Variants in PRKAR2B observed in about 807,000 individuals in gnomAD.
The protein encoded by PRKAR2B is protein kinase cAMP-dependent type II regulatory subunit beta, also known as cAMP-dependent protein kinase type II-beta regulatory subunit.
Under a neutral mutation model 49.9 loss-of-function variants are expected in PRKAR2B, and 14 were observed. The observed-to-expected ratio is 0.28, with a 90% CI of 0.19 to 0.44. PRKAR2B has a LOEUF of 0.44. PRKAR2B is among the 20% of genes least tolerant of loss of function. The pLI, the probability that PRKAR2B is intolerant of heterozygous loss-of-function variation, is 1.00. For missense variants in PRKAR2B, 393 were observed against 537.9 expected, an observed-to-expected ratio of 0.73 and a Z score of 2.67; for synonymous variants, 196 against 197.7, an observed-to-expected ratio of 0.99 and a Z score of 0.07.
At chr7:107,099,292 G>A (rs1794909370) in intron 2 of PRKAR2B, among the ~76,000 whole-genome samples, 1 of 152,182 alleles carries the variant, frequency 6.6e-6, no homozygotes, top group Admixed American at 6.5e-5. Context: ...GATTGAGGCT[G>A]TGTGGGTGTT....
chr7:107,112,223 T>A (rs1447804345), intron 2 of PRKAR2B, among the ~76,000 whole-genome samples: 2 of 142,578 alleles, frequency 1.4e-5, no homozygotes, highest in African/African-American at 2.6e-5. Context: ...AAACTAGGCA[T>A]CCTCTCTAAT....
intron 2 of PRKAR2B, among the ~76,000 whole-genome samples, chr7:107,114,352 G>A (rs1457327192): frequency 6.8e-6 from 1 of 146,838 alleles, no homozygotes; most frequent in African/African-American, 2.6e-5. Flanking sequence ...GTGTGTGTGT[G>A]TGTGTGTGTG....
chr7:107,089,256 T>C (rs572019203), intron 2 of PRKAR2B, among the ~76,000 whole-genome samples: 1 of 152,272 alleles, frequency 6.6e-6, no homozygotes, highest in South Asian at 2.1e-4. Context: ...GGTCATATAA[T>C]AAGTGGCAGG....
chr7:107,057,455 T>G (rs1793938445), intron 1 of PRKAR2B, among the ~76,000 whole-genome samples: 1 of 152,188 alleles, frequency 6.6e-6, no homozygotes, highest in Admixed American at 6.5e-5. Context: ...GGCAATTTGC[T>G]TTTATGGAAA....
chr7:107,107,230 G>A (rs908880995), intron 2 of PRKAR2B, among the ~76,000 whole-genome samples: 8 of 151,982 alleles, frequency 5.3e-5, no homozygotes, highest in South Asian at 4.1e-4. Context: ...CCAGCTACTC[G>A]GGAGGCTGAG....
chr7:107,071,447 A>G (rs980386810), intron 2 of PRKAR2B, among the ~76,000 whole-genome samples: 8 of 152,190 alleles, frequency 5.3e-5, no homozygotes, highest in Non-Finnish European at 1.0e-4. Flanking sequence ...AGGCGTGTTT[A>G]TTTTAAATGG....
At chr7:107,109,877 C>T (rs1053608780) in intron 2 of PRKAR2B, among the ~76,000 whole-genome samples, 2 of 152,134 alleles carry the variant, frequency 1.3e-5, no homozygotes, top group African/African-American at 4.8e-5. Flanking sequence ...AAGCCTCAAC[C>T]AGTTGTTCCT....
At chr7:107,143,884 A>G (rs1795835982) in intron 5 of PRKAR2B, among the ~76,000 whole-genome samples, 1 of 152,206 alleles carries the variant, frequency 6.6e-6, no homozygotes, top group African/African-American at 2.4e-5. Context: ...ATATGCAAAT[A>G]TTCTAAAATC....
chr7:107,138,173 T>G (rs1795731759), intron 4 of PRKAR2B, among the ~76,000 whole-genome samples: 1 of 152,192 alleles, frequency 6.6e-6, no homozygotes, highest in East Asian at 1.9e-4. Context: ...GATACATGTC[T>G]TTACACATTT....
intron 6 of PRKAR2B, among the ~76,000 whole-genome samples, chr7:107,147,806 G>T (rs1020013553): frequency 2.6e-5 from 4 of 152,190 alleles, no homozygotes; most frequent in African/African-American, 9.7e-5. Flanking sequence ...AAATCCTTTT[G>T]TGGAAAGAGA....
intron 5 of PRKAR2B, among the ~76,000 whole-genome samples, chr7:107,141,457 G>A (rs959919825): frequency 1.3e-5 from 2 of 152,158 alleles, no homozygotes; most frequent in African/African-American, 4.8e-5. Context: ...TTGGGAAGCC[G>A]AGGCCAGTGG....
chr7:107,126,876 T>A (rs964849444), intron 3 of PRKAR2B, among the ~76,000 whole-genome samples: 9 of 152,158 alleles, frequency 5.9e-5, no homozygotes, highest in Non-Finnish European at 1.3e-4. Flanking sequence ...TAGTTTGAGA[T>A]GAATATTGGG....
At chr7:107,097,530 T>C (rs10271426) in intron 2 of PRKAR2B, among the ~76,000 whole-genome samples, 1 of 152,132 alleles carries the variant, frequency 6.6e-6, no homozygotes, top group African/African-American at 2.4e-5. Context: ...TAATGTTATG[T>C]GTAAATTTGA....
intron 2 of PRKAR2B, among the ~76,000 whole-genome samples, chr7:107,103,151 AT>A: frequency 6.6e-6 from 1 of 152,298 alleles, no homozygotes; most frequent in Admixed American, 6.5e-5. Context: ...GCTTTTCAAA[AT>A]TTTAAAATTT....
chr7:107,065,313 G>GGTGTGTGT (rs1353262616), intron 1 of PRKAR2B, among the ~76,000 whole-genome samples: 60 of 130,394 alleles, frequency 4.6e-4, no homozygotes, highest in African/African-American at 1.7e-3. Context: ...GTTTGCTCGG[G>GGTGTGTGT]GTGTGTGTAT....
At chr7:107,083,055 C>G (rs1794545517) in intron 2 of PRKAR2B, among the ~76,000 whole-genome samples, 1 of 151,868 alleles carries the variant, frequency 6.6e-6, no homozygotes, top group Non-Finnish European at 1.5e-5. Context: ...TTGAAGGTAA[C>G]CTGTGAGTCT....
At chr7:107,093,185 C>A (rs982936746) in intron 2 of PRKAR2B, among the ~76,000 whole-genome samples, 1 of 152,150 alleles carries the variant, frequency 6.6e-6, no homozygotes, top group African/African-American at 2.4e-5. Context: ...TGAATATGGA[C>A]GTACAGATAT....
chr7:107,063,238 C>T (rs1465665847), intron 1 of PRKAR2B, among the ~76,000 whole-genome samples: 1 of 152,194 alleles, frequency 6.6e-6, no homozygotes. Context: ...CTCATGTGAT[C>T]TGCCCACCTG....
intron 2 of PRKAR2B, among the ~76,000 whole-genome samples, chr7:107,101,131 G>GTTTTTTTT (rs1794954818): frequency 7.9e-6 from 1 of 126,606 alleles, no homozygotes; most frequent in Non-Finnish European, 1.7e-5. Flanking sequence ...CCAGGTTGTT[G>GTTTTTTTT]CTTATTTTTT....
Sources: gnomAD v4.1 joint callset for allele counts (sites outside exome capture counted in the v4.1 genomes callset) on GRCh38, gnomAD v4.1.1 for gene constraint, MANE v1.5 for transcripts, NCBI Gene and HGNC (gene_info 2026-07-23, HGNC 2026-07-21) for gene names.